Variants in PKHD1L1 observed in about 807,000 individuals in gnomAD.
PKHD1L1 encodes fibrocystin-L.
Under a neutral mutation model 462.9 loss-of-function variants are expected in PKHD1L1, and 434 were observed. The observed-to-expected ratio is 0.94, with a 90% confidence interval of 0.87 to 1.02. The LOEUF (loss-of-function observed/expected upper bound fraction) is 1.02. PKHD1L1 is among the 50% of genes least tolerant of loss of function. PKHD1L1 has a pLI of 0.00. For synonymous variants in PKHD1L1, 1,781 were observed against 1,750.0 expected, an observed-to-expected ratio of 1.02 and a Z score of -0.44; for missense variants, 5,202 against 5,096.1, an observed-to-expected ratio of 1.02 and a Z score of -0.63.
Position 109,398,441 on chromosome 8 carries a change from T to A in PKHD1L1, c.923-18T>A. 1 of 1,443,846 alleles carries A rather than the reference T, an allele frequency of 6.9e-7. No homozygotes were observed. Among genetic ancestry groups the A allele is most frequent in the Non-Finnish European group, 9.5e-7 (1 of 1,047,460 alleles). 89.4% of individuals were successfully genotyped at this position (1,443,846 alleles called of 1,614,324 possible). On this transcript the variant is annotated intron_variant, in intron 11 of 77. Transcript: ENST00000378402. The stretch of plus-strand genomic sequence containing the variant: ...TGAAGTTTCAGTAGTAACGGTTTTG[T>A]ATCTTGCTTCTCTATAGGTGAACCT...
chr8:109,374,920 A>G (rs896116938), intron 2 of PKHD1L1, among the ~76,000 whole-genome samples: 10 of 152,118 alleles, frequency 6.6e-5, no homozygotes, highest in South Asian at 2.1e-4. Context: ...CTTTCTCTCT[A>G]GCTGCCCTTA....
At chr8:109,475,403 T>C in intron 51 of PKHD1L1, 134 bp downstream of exon 51, 2 of 770,884 alleles carry the variant, frequency 2.6e-6, no homozygotes, top group Non-Finnish European at 3.8e-6. Context: ...TCCTGCACAT[T>C]CTTTGTGAGC....
At chr8:109,508,031 G>C in intron 69 of PKHD1L1, 66 bp from the exon 70 acceptor site, 1 of 1,505,680 alleles carries the variant, frequency 6.6e-7, no homozygotes, top group Non-Finnish European at 9.0e-7. Context: ...AGAAATAGAT[G>C]TTATAAGGAT....
chr8:109,426,806 C>T (rs187623393), intron 24 of PKHD1L1, among the ~76,000 whole-genome samples, 196 bp from the exon 25 acceptor site: 3 of 152,272 alleles, frequency 2.0e-5, no homozygotes, highest in African/African-American at 7.2e-5. Context: ...GCACGCACCA[C>T]CATGCCCAGC....
At position 109,449,362 on chromosome 8, in the gene PKHD1L1, T is replaced by A. The variant is rs781728488; in HGVS notation, c.6050T>A (p.Met2017Lys). 4.4e-6 allele frequency: 7 copies of A among 1,578,516 alleles called. No homozygotes were observed. Among genetic ancestry groups the A allele is most frequent in the Non-Finnish European group, 6.0e-6 (7 of 1,160,642 alleles). Residue 2017 changes from methionine (M) to lysine (K), a missense_variant, in exon 40 of 78, where the codon ATG becomes AAG. By Grantham distance (95) the Met-to-Lys change is moderately conservative. Around this residue, in one of 3 missense-constraint regions of PKHD1L1, gnomAD observed 4,497 missense variants for 4,336.8 expected, o/e 1.04. Transcript: ENST00000378402. ...GGGAGCTTTGGTGGGGGTCAAACCATGACTGTGACAGGCACCGGATTTAAT... is the reference window on the plus strand; with the variant it reads ...GGGAGCTTTGGTGGGGGTCAAACCAAGACTGTGACAGGCACCGGATTTAAT... ...SQGSFGGGQT[M>K]TVTGTGFNPQ...
At chr8:109,491,776 T>G in intron 61 of PKHD1L1, 97 bp from the exon 62 acceptor site, 2 of 1,161,978 alleles carry the variant, frequency 1.7e-6, no homozygotes, top group Admixed American at 2.9e-5. Context: ...AGAAAAATAA[T>G]TTTATGGAAA....
chr8:109,370,668 C>T (rs190226401), intron 2 of PKHD1L1, among the ~76,000 whole-genome samples: 4 of 152,166 alleles, frequency 2.6e-5, no homozygotes, highest in African/African-American at 9.6e-5. Flanking sequence ...CTACCCCCAA[C>T]CCACAACAGG....
At chr8:109,508,769 T>C (rs142271659) in intron 70 of PKHD1L1, among the ~76,000 whole-genome samples, 47 of 152,264 alleles carry the variant, frequency 3.1e-4, no homozygotes, top group African/African-American at 9.6e-4. Flanking sequence ...TCTAATTCCT[T>C]TGACTGTCAA....
intron 21 of PKHD1L1, among the ~76,000 whole-genome samples, chr8:109,414,982 T>C (rs1452614865): frequency 4.0e-4 from 56 of 141,666 alleles, no homozygotes; most frequent in Middle Eastern, 3.4e-3. Flanking sequence ...TTATTATTAT[T>C]ATTATTATTA....
intron 27 of PKHD1L1, among the ~76,000 whole-genome samples, chr8:109,430,797 T>G (rs1273633429): frequency 2.0e-5 from 3 of 152,174 alleles, no homozygotes; most frequent in African/African-American, 7.2e-5. Context: ...ATTTTTGTGT[T>G]GAAAGAATAT....
At chr8:109,498,431 A>T in intron 65 of PKHD1L1, 31 bp from the exon 66 acceptor site, 1 of 1,492,854 alleles carries the variant, frequency 6.7e-7, no homozygotes, top group East Asian at 2.3e-5. Flanking sequence ...GCTATTATTA[A>T]TGCTATATTG....
chr8:109,378,091 C>T (rs1355387020), intron 2 of PKHD1L1, among the ~76,000 whole-genome samples: 1 of 152,198 alleles, frequency 6.6e-6, no homozygotes, highest in Non-Finnish European at 1.5e-5. Flanking sequence ...TTGCTCCACA[C>T]ACCTTTCTAG....
Position 109,456,338 on chromosome 8 carries a change from A to G in PKHD1L1, c.6951A>G (p.Glu2317=), listed in dbSNP as rs761309637. 6.2e-7 allele frequency: 1 copy of G among 1,611,382 alleles called. No homozygotes were observed. The highest frequency in any genetic ancestry group is 8.5e-7 in the Non-Finnish European group (1 of 1,178,610). ...KAGERILILQ[E]AVTWKPGDNI... The stretch of plus-strand genomic sequence containing the variant: ...GGGAAAGAATTTTAATTTTACAAGA[A>G]GCAGTAACATGGAAACCAGGAGATA... Residue 2317 remains glutamate (E), a synonymous_variant, in exon 46 of 78, where the codon GAA becomes GAG. Coordinates refer to ENST00000378402, the MANE Select transcript of PKHD1L1 (RefSeq NM_177531.6).
At chr8:109,393,052 T>C (rs1812786862) in intron 9 of PKHD1L1, among the ~76,000 whole-genome samples, 2 of 152,200 alleles carry the variant, frequency 1.3e-5, no homozygotes, top group Admixed American at 1.3e-4. Context: ...AGAAGCAGAG[T>C]TAATTTTTGA....
At chr8:109,522,095 C>A in intron 73 of PKHD1L1, 91 bp from the exon 74 acceptor site, 1 of 1,243,790 alleles carries the variant, frequency 8.0e-7, no homozygotes, top group Non-Finnish European at 1.1e-6. Context: ...TGTGATGGAG[C>A]AATGCAAAGA....
intron 4 of PKHD1L1, 92 bp from the exon 5 acceptor site, chr8:109,383,978 G>A (rs1435979221): frequency 4.7e-6 from 4 of 855,602 alleles, no homozygotes; most frequent in Non-Finnish European, 7.9e-6. Context: ...TATGAATATT[G>A]TTGAAATTTA....
At position 109,444,899 on chromosome 8, in the gene PKHD1L1, T is replaced by C; in HGVS notation, c.5030T>C (p.Val1677Ala). 6.2e-7 allele frequency: 1 copy of C among 1,614,036 alleles called. No individual in the cohort carries two copies. The highest frequency in any genetic ancestry group is 1.1e-5 in the South Asian group (1 of 91,088). ...NAGSTTGMTSVTIKGSGFAVS... is the reference protein window; with the variant it reads ...NAGSTTGMTSATIKGSGFAVS... ...GGATCAACTACAGGAATGACAAGCG[T>C]GACCATAAAAGGCTCTGGATTTGCC... is the stretch of plus-strand genomic sequence containing the variant. The change falls in exon 38 of 78, where the codon GTG becomes GCG. Residue 1677 changes from valine to alanine, a missense_variant. Transcript: ENST00000378402.
At chr8:109,447,456 A>C (rs1223489108) in intron 38 of PKHD1L1, among the ~76,000 whole-genome samples, 1 of 152,184 alleles carries the variant, frequency 6.6e-6, no homozygotes, top group African/African-American at 2.4e-5. Context: ...AGGTATGTGG[A>C]TATTCATTTG....
chr8:109,391,550 A>G (rs1318212259), intron 9 of PKHD1L1, among the ~76,000 whole-genome samples: 2 of 152,182 alleles, frequency 1.3e-5, no homozygotes, highest in Non-Finnish European at 2.9e-5. Context: ...ACCCAAATTA[A>G]TTGTTCTGCC....
Sources: gnomAD v4.1 joint callset for allele counts (sites outside exome capture counted in the v4.1 genomes callset) on GRCh38, gnomAD v4.1.1 for gene constraint, gnomAD v4.1.1 regional missense constraint, MANE v1.5 for transcripts, NCBI Gene and HGNC (gene_info 2026-07-23, HGNC 2026-07-21) for gene names.